The following ATP7B variants were observed in gnomAD, a reference collection of about 807,000 sequenced individuals.
ATP7B encodes copper-transporting ATPase 2.
ATP7B carries 113 observed loss-of-function variants against 118.9 expected under a neutral mutation model. The ratio of observed to expected loss-of-function variants is 0.95; its 90% CI spans 0.82 to 1.11. The LOEUF is 1.11. Ranked by LOEUF, ATP7B falls within the 50% of genes most tolerant of loss-of-function variation. ATP7B has a pLI of 0.00. For synonymous variants in ATP7B, 777 were observed against 727.4 expected, an observed-to-expected ratio of 1.07 and a Z score of -1.10; for missense variants, 1,867 against 1,871.4, an observed-to-expected ratio of 1.00 and a Z score of 0.04.
At chr13:52,008,659 A>G (rs1488689679) in intron 1 of ATP7B, among the ~76,000 whole-genome samples, 2 of 152,194 alleles carry the variant, frequency 1.3e-5, no homozygotes, top group African/African-American at 2.4e-5. Context: ...AACTTGGGAC[A>G]AGACCAAGTA....
chr13:51,934,563 GC>G lies in ATP7B; in HGVS notation c.*192del. On this transcript the variant is annotated 3_prime_UTR_variant, in exon 21 of 21. Transcript: ENST00000242839. The stretch of plus-strand genomic sequence containing the variant: ...CCCGTGAGGCCAAGAGGCAGGCAGG[GC>G]CGTCCTCTCCAGGCCAAGCCCAGCT... The G allele has an allele frequency of 1.2e-6, 1 of 859,594 alleles. No individual in the cohort carries two copies. The highest frequency in any genetic ancestry group is 1.7e-5 in the African/African-American group (1 of 60,320). 53.2% of individuals were successfully genotyped at this position (859,594 alleles called of 1,614,324 possible). A position where few individuals can be genotyped will look rare whatever the true frequency, so the allele number is the denominator to read the frequency against.
intron 5 of ATP7B, among the ~76,000 whole-genome samples, chr13:51,964,333 T>C (rs1958950265): frequency 6.6e-6 from 1 of 152,198 alleles, no homozygotes; most frequent in Admixed American, 6.5e-5. Flanking sequence ...CCTAGTATTG[T>C]ATAAAATGTA....
rs1298707502 is a variant in ATP7B at position 51,974,150 on chromosome 13, G to A, written c.1070C>T (p.Thr357Ile). ...GSPPRNQVQG[T>I]CSTTLIAIAG... is the part of the protein sequence containing the mutation. The stretch of plus-strand genomic sequence containing the variant: ...AATGGCAATCAGAGTGGTACTGCAT[G>A]TGCCCTGGACCTGGTTTCTCGGTGG... Residue 357 changes from threonine (T) to isoleucine (I), a missense_variant, in exon 2 of 21, where the codon ACA becomes ATA. Physicochemically the swap from Thr to Ile is moderately conservative, Grantham distance 89 (BLOSUM62 -1). Coordinates refer to ENST00000242839, the MANE Select transcript of ATP7B (RefSeq NM_000053.4). 6 of 1,613,928 alleles carry A rather than the reference G, an allele frequency of 3.7e-6. No homozygotes were observed. The highest frequency in any genetic ancestry group is 4.2e-6 in the Non-Finnish European group (5 of 1,180,014).
At chr13:51,995,860 T>A (rs759824060) in intron 1 of ATP7B, among the ~76,000 whole-genome samples, 2 of 152,162 alleles carry the variant, frequency 1.3e-5, no homozygotes, top group Non-Finnish European at 2.9e-5. Context: ...ACACAGCCCA[T>A]GCACACCCTC....
At position 52,011,268 on chromosome 13, in the gene ATP7B, G is replaced by C. The variant is rs909593142; in HGVS notation, c.51+19C>G. 3 of 1,614,192 alleles carry C rather than the reference G, an allele frequency of 1.9e-6. No homozygotes were observed. Among genetic ancestry groups the C allele is most frequent in the African/African-American group, 1.3e-5 (1 of 75,078 alleles). On this transcript the variant is annotated intron_variant, in intron 1 of 20. Transcript: ENST00000242839. ...GTGGGAGTGAGCACGCTGCGCGGAC[G>C]CGGGGGAACAAAACTCACTTTCCGA...
At chr13:51,953,162 T>C (rs995671531) in intron 9 of ATP7B, among the ~76,000 whole-genome samples, 2 of 152,188 alleles carry the variant, frequency 1.3e-5, no homozygotes, top group African/African-American at 4.8e-5. Flanking sequence ...CCCAAGAATA[T>C]TCTCTGCTTA....
intron 1 of ATP7B, among the ~76,000 whole-genome samples, chr13:51,983,426 T>G (rs904307963): frequency 3.3e-5 from 5 of 152,132 alleles, no homozygotes; most frequent in African/African-American, 7.2e-5. Context: ...CAGGGGCTTA[T>G]AGATGAAGCC....
chr13:51,981,982 T>C (rs1338684552), intron 1 of ATP7B, among the ~76,000 whole-genome samples: 2 of 150,616 alleles, frequency 1.3e-5, no homozygotes, highest in African/African-American at 2.4e-5. Flanking sequence ...TCTTAAAACA[T>C]AATGAGATTT....
chr13:51,955,820 G>A (rs1413435859), intron 9 of ATP7B, among the ~76,000 whole-genome samples: 1 of 152,090 alleles, frequency 6.6e-6, no homozygotes, highest in African/African-American at 2.4e-5. Flanking sequence ...TGTGACTGCT[G>A]CAGACCCATG....
chr13:51,996,992 C>T (rs917507045), intron 1 of ATP7B, among the ~76,000 whole-genome samples: 4 of 152,230 alleles, frequency 2.6e-5, no homozygotes, highest in African/African-American at 9.6e-5. Context: ...AGGCCTTGAG[C>T]CCCAACCCTA....
intron 9 of ATP7B, among the ~76,000 whole-genome samples, chr13:51,951,663 A>T (rs987521949): frequency 6.6e-6 from 1 of 152,204 alleles, no homozygotes; most frequent in African/African-American, 2.4e-5. Context: ...CTGAAGGACC[A>T]GCCAGTGACA....
intron 12 of ATP7B, among the ~76,000 whole-genome samples, chr13:51,947,325 CTT>C (rs1278524618): frequency 6.6e-6 from 1 of 152,190 alleles, no homozygotes; most frequent in East Asian, 1.9e-4. Context: ...TTGGAGGTAT[CTT>C]TATTTTCTTC....
At chr13:51,962,405 C>A (rs1408930250) in intron 5 of ATP7B, among the ~76,000 whole-genome samples, 1 of 152,232 alleles carries the variant, frequency 6.6e-6, no homozygotes, top group Non-Finnish European at 1.5e-5. Flanking sequence ...AGAGCCTACA[C>A]CGCAATCTTG....
At chr13:51,967,326 CTTTG>C (rs1042211684) in intron 4 of ATP7B, among the ~76,000 whole-genome samples, 3 of 151,968 alleles carry the variant, frequency 2.0e-5, no homozygotes, top group African/African-American at 4.8e-5. Flanking sequence ...AGGATTATCC[CTTTG>C]TTTAATAAAT....
At chr13:51,957,390 G>A in intron 9 of ATP7B, 126 bp downstream of exon 9, 1 of 971,480 alleles carries the variant, frequency 1.0e-6, no homozygotes, top group South Asian at 1.3e-5. Context: ...TGAGAGTGGT[G>A]ATCTTACTGT....
In ATP7B at chr13:51,956,515, T is replaced by C. The variant is rs570907789; in HGVS notation, c.2447+1001A>G. Among the ~76,000 whole-genome samples the C allele has an allele frequency of 4.6e-5, 7 of 151,732 alleles. No individual in the cohort carries two copies. The South Asian group carries it at 6.4e-4, about 14-fold the overall frequency. ...CACTGAGAAAACCAACAGAGAAAGGTTCCCGGGTAGAGGCATTGGAGGAGA... is the reference window on the plus strand; with the variant it reads ...CACTGAGAAAACCAACAGAGAAAGGCTCCCGGGTAGAGGCATTGGAGGAGA... On this transcript the variant is annotated intron_variant, in intron 9 of 20. Transcript: ENST00000242839.
chr13:52,010,753 A>G (rs187491846), intron 1 of ATP7B, among the ~76,000 whole-genome samples: 297 of 152,350 alleles, frequency 1.9e-3, no homozygotes, highest in African/African-American at 6.9e-3. Flanking sequence ...TTCTCAATAA[A>G]TATTTGCCGA....
At chr13:51,979,658 C>T (rs942276966) in intron 1 of ATP7B, among the ~76,000 whole-genome samples, 1 of 152,132 alleles carries the variant, frequency 6.6e-6, no homozygotes, top group East Asian at 1.9e-4. Flanking sequence ...AAACCTCTTC[C>T]TCATAATAAG....
At chr13:51,975,655 A>C (rs1034571122) in intron 1 of ATP7B, 3 of 462,012 alleles carry the variant, frequency 6.5e-6, no homozygotes, top group Admixed American at 4.6e-5. Context: ...CCTTACTTCT[A>C]TATCTCTTTC....
Sources: gnomAD v4.1 joint callset for allele counts (sites outside exome capture counted in the v4.1 genomes callset) on GRCh38, gnomAD v4.1.1 for gene constraint, MANE v1.5 for transcripts, NCBI Gene and HGNC (gene_info 2026-07-23, HGNC 2026-07-21) for gene names.